ABCC4: variants seen among roughly 807,000 people sequenced by gnomAD.
ABCC4 encodes ATP-binding cassette sub-family C member 4.
A neutral mutation model predicts 168.5 loss-of-function variants in ABCC4; 102 were observed. The observed-to-expected ratio is 0.61, with a 90% CI of 0.52 to 0.71. The LOEUF (loss-of-function observed/expected upper bound fraction) is 0.71, where lower values mean the gene tolerates loss of function less well. ABCC4 is among the 30% of genes least tolerant of loss of function. The probability of loss-of-function intolerance (pLI) is 0.00; values close to 1 mark genes in which losing one functional copy is unlikely to be tolerated. For missense variants in ABCC4, 1,402 were observed against 1,605.8 expected (o/e 0.87, Z 2.17); for synonymous variants, 617 against 590.7 (o/e 1.04, Z -0.65).
chr13:95,098,761 A>C (rs2034695980), intron 20 of ABCC4, among the ~76,000 whole-genome samples: 1 of 152,204 alleles, frequency 6.6e-6, no homozygotes, highest in Admixed American at 6.5e-5. Context: ...AAAATAAGAC[A>C]CTTGAATGGC....
At chr13:95,201,668 T>C (rs756244350) in intron 8 of ABCC4, among the ~76,000 whole-genome samples, 5 of 151,872 alleles carry the variant, frequency 3.3e-5, no homozygotes, top group Non-Finnish European at 5.9e-5. Context: ...AAAGAAGAGA[T>C]GAGGATTAAA....
intron 29 of ABCC4, among the ~76,000 whole-genome samples, chr13:95,036,678 A>C (rs2032134103): frequency 6.6e-6 from 1 of 152,176 alleles, no homozygotes. Context: ...GGGGTGATAG[A>C]ACCATGACCT....
chr13:95,155,654 G>A (rs139491955), intron 19 of ABCC4, among the ~76,000 whole-genome samples: 33 of 152,060 alleles, frequency 2.2e-4, no homozygotes, highest in African/African-American at 7.5e-4. Context: ...TACTCCCCAC[G>A]CACACACTGG....
In ABCC4 at chr13:95,245,761, A is replaced by C. The variant is rs981482920; in HGVS notation, c.306+1214T>G. On this transcript the variant is annotated intron_variant, in intron 3 of 30. Coordinates refer to ENST00000645237, the MANE Select transcript of ABCC4 (RefSeq NM_005845.5). The stretch of plus-strand genomic sequence containing the variant: ...ACCGTCCAGTCCCCTGTTGTCTGAC[A>C]GATTCCTCTGGTGTAGGGCAGAGCT... Among the ~76,000 whole-genome samples, 4 of 152,070 alleles carry C rather than the reference A, an allele frequency of 2.6e-5. No homozygotes were observed. The East Asian group carries it at 7.7e-4, about 29-fold the overall frequency.
chr13:95,036,173 A>G (rs915784417), intron 29 of ABCC4, among the ~76,000 whole-genome samples: 6 of 152,220 alleles, frequency 3.9e-5, no homozygotes, highest in African/African-American at 1.4e-4. Flanking sequence ...AAAATCTGCA[A>G]TTTAAAAATA....
chr13:95,143,346 G>C (rs540512688), intron 19 of ABCC4, among the ~76,000 whole-genome samples: 23 of 152,256 alleles, frequency 1.5e-4, no homozygotes, highest in African/African-American at 5.1e-4. Flanking sequence ...GTCTAACAAT[G>C]ATGAGTCCTA....
At chr13:95,156,720 C>G (rs2074158222) in intron 19 of ABCC4, among the ~76,000 whole-genome samples, 1 of 152,044 alleles carries the variant, frequency 6.6e-6, no homozygotes, top group Non-Finnish European at 1.5e-5. Flanking sequence ...CACACGTGAT[C>G]CCATCACCAA....
intron 9 of ABCC4, among the ~76,000 whole-genome samples, chr13:95,192,180 T>C (rs367598133): frequency 7.7e-4 from 117 of 152,250 alleles, no homozygotes; most frequent in African/African-American, 2.6e-3. Flanking sequence ...GAGAAGACCT[T>C]CCCTCCAATA....
chr13:95,149,380 T>G (rs958152197), intron 19 of ABCC4, among the ~76,000 whole-genome samples: 1 of 152,186 alleles, frequency 6.6e-6, no homozygotes, highest in Admixed American at 6.5e-5. Context: ...TTCATTTTCA[T>G]GCTAAGTAAT....
intron 25 of ABCC4, among the ~76,000 whole-genome samples, chr13:95,070,836 T>G (rs1021363814): frequency 2.0e-5 from 3 of 151,858 alleles, no homozygotes; most frequent in Non-Finnish European, 2.9e-5. Flanking sequence ...GAGTTTGCAG[T>G]GAAAGGGATG....
chr13:95,044,445 A>G lies in ABCC4; in HGVS notation c.3457-7T>C. ...TGGTTTCTTTAAGTTGTACCTGTAG[A>G]TGTACAAAGAAGAATGACTGCTATC... On this transcript the variant is annotated splice_region_variant and splice_polypyrimidine_tract_variant and intron_variant, in intron 27 of 30. Coordinates refer to ENST00000645237, the MANE Select transcript of ABCC4 (RefSeq NM_005845.5). 6.2e-7 allele frequency: 1 copy of G among 1,600,476 alleles called. No individual in the cohort carries two copies. Among genetic ancestry groups the G allele is most frequent in the Non-Finnish European group, 8.5e-7 (1 of 1,173,244 alleles).
At chr13:95,211,279 G>A (rs2038949251) in intron 4 of ABCC4, among the ~76,000 whole-genome samples, 1 of 152,142 alleles carries the variant, frequency 6.6e-6, no homozygotes, top group Non-Finnish European at 1.5e-5. Flanking sequence ...CAACTATCTG[G>A]AGGACACCAG....
chr13:95,142,575 T>A (rs2036353826), intron 19 of ABCC4, among the ~76,000 whole-genome samples: 1 of 151,094 alleles, frequency 6.6e-6, no homozygotes, highest in African/African-American at 2.4e-5. Context: ...CCCAATAGCC[T>A]ATGGAAATAA....
intron 10 of ABCC4, among the ~76,000 whole-genome samples, chr13:95,187,966 T>C (rs2038122429): frequency 6.6e-6 from 1 of 152,286 alleles, no homozygotes; most frequent in Non-Finnish European, 1.5e-5. Flanking sequence ...GGCGTCTGGG[T>C]CTTGATTACA....
intron 1 of ABCC4, among the ~76,000 whole-genome samples, chr13:95,267,931 T>A (rs941918990): frequency 6.6e-6 from 1 of 152,144 alleles, no homozygotes; most frequent in African/African-American, 2.4e-5. Flanking sequence ...ATCGTGCCGA[T>A]GTAATGAAGC....
In ABCC4 at chr13:95,263,698, C is replaced by A. The variant is rs531318627; in HGVS notation, c.75-15945G>T. Among the ~76,000 whole-genome samples, 13 of 152,180 alleles carry A rather than the reference C, an allele frequency of 8.5e-5. 1 individual carries two copies. In the South Asian group the frequency reaches 2.7e-3, roughly 32 times the overall value. On this transcript the variant is annotated intron_variant, in intron 1 of 30. Transcript: ENST00000645237. ...ATTAGCCCAGCATGGTGGCATGCAC[C>A]TGTAATCCTAGCTACTTGTGAGACT...
At chr13:95,094,137 T>A (rs1476586775) in intron 20 of ABCC4, among the ~76,000 whole-genome samples, 1 of 151,416 alleles carries the variant, frequency 6.6e-6, no homozygotes, top group Non-Finnish European at 1.5e-5. Flanking sequence ...GCAATTCCCA[T>A]CAAAATACCA....
At chr13:95,190,221 C>A (rs1166931774) in intron 9 of ABCC4, among the ~76,000 whole-genome samples, 1 of 152,004 alleles carries the variant, frequency 6.6e-6, no homozygotes, top group African/African-American at 2.4e-5. Context: ...GTGCCATAGT[C>A]CCAGCTACTC....
chr13:95,195,586 C>G (rs1219381557), intron 8 of ABCC4, among the ~76,000 whole-genome samples: 1 of 152,168 alleles, frequency 6.6e-6, no homozygotes, highest in Non-Finnish European at 1.5e-5. Context: ...AGGTTTCTAT[C>G]TCTTAAAACA....
Sources: allele counts gnomAD v4.1 joint callset (sites outside exome capture counted in the v4.1 genomes callset), GRCh38; gene constraint gnomAD v4.1.1; transcripts MANE v1.5; gene names NCBI Gene and HGNC (gene_info 2026-07-23, HGNC 2026-07-21).